KNDC1: variants seen among roughly 807,000 people sequenced by gnomAD.
KNDC1 encodes kinase non-catalytic C-lobe domain-containing protein 1.
In KNDC1, 106 loss-of-function variants were observed where a neutral mutation model predicts 172.8. That is an observed-to-expected ratio of 0.61 (90% CI 0.52 to 0.72). The LOEUF is 0.72. Among genes scored for constraint, KNDC1 ranks in the 30% least tolerant of loss-of-function variants. KNDC1 has a pLI of 0.00. For missense variants in KNDC1, 2,325 were observed against 2,394.5 expected (o/e 0.97, Z 0.61); for synonymous variants, 1,083 against 1,062.2 (o/e 1.02, Z -0.38).
chr10:133,189,841 A>AGCCCTGCCCCC lies in KNDC1; in HGVS notation c.1575+29_1575+39dup, dbSNP rs766681194. ...ACCCGGGCCCTCCCCACCCTGCCCC[A>AGCCCTGCCCCC]GCCCTGCCCCCAGCCCTCGGGGATG... On this transcript the variant is annotated intron_variant, in intron 9 of 29. Coordinates refer to ENST00000304613, the MANE Select transcript of KNDC1 (RefSeq NM_152643.8). The AGCCCTGCCCCC allele has an allele frequency of 1.2e-4, 161 of 1,379,952 alleles. 2 individuals carry two copies. The African/African-American group carries it at 1.8e-3, about 16-fold the overall frequency. 85.5% of individuals were successfully genotyped at this position (1,379,952 alleles called of 1,614,324 possible).
chr10:133,198,242 C>T, intron 12 of KNDC1, 95 bp from the exon 13 acceptor site: 9 of 1,383,604 alleles, frequency 6.5e-6, no homozygotes, highest in Non-Finnish European at 8.7e-6. Flanking sequence ...GCACCACGCA[C>T]TGGGTGGGAT....
At chr10:133,205,665 CTTTAAG>C (rs1351288616) in intron 17 of KNDC1, among the ~76,000 whole-genome samples, 6 of 152,232 alleles carry the variant, frequency 3.9e-5, no homozygotes, top group East Asian at 1.9e-4. Flanking sequence ...CATTGGGCTT[CTTTAAG>C]TTTAAAAGAA....
chr10:133,196,990 A>G lies in KNDC1; in HGVS notation c.1735-68A>G, dbSNP rs115493491. 3,030 of 1,280,910 alleles carry G rather than the reference A, an allele frequency of 2.4e-3. 37 individuals carry two copies. The African/African-American group carries it at 0.035, about 15-fold the overall frequency. The allele number at this position is 1,280,910 out of a possible 1,614,324, so 79.3% of individuals were successfully genotyped here. ...CCTGAGCTTTTTCAGATGGGGACCC[A>G]GTGACACGGGGACGGTGCAGCCGTG... On this transcript the variant is annotated intron_variant, in intron 10 of 29. Coordinates refer to ENST00000304613, the MANE Select transcript of KNDC1 (RefSeq NM_152643.8).
intron 17 of KNDC1, among the ~76,000 whole-genome samples, chr10:133,203,200 G>A (rs12761726): frequency 3.6e-5 from 2 of 56,290 alleles, no homozygotes; most frequent in African/African-American, 5.1e-5. Flanking sequence ...GGGAGCACTC[G>A]GCCCCCAAAC....
At chr10:133,184,140 C>T in intron 5 of KNDC1, 151 bp downstream of exon 5, 1 of 484,206 alleles carries the variant, frequency 2.1e-6, no homozygotes, top group Non-Finnish European at 3.7e-6. Context: ...ACACATGCCA[C>T]ACACACCCAT....
intron 16 of KNDC1, among the ~76,000 whole-genome samples, chr10:133,200,804 A>T (rs981310105): frequency 1.4e-4 from 21 of 152,264 alleles, no homozygotes; most frequent in African/African-American, 4.6e-4. Context: ...GCCAGGTGGG[A>T]TCCGCTCTCC....
chr10:133,171,174 G>T (rs1280645160), intron 3 of KNDC1, among the ~76,000 whole-genome samples: 2 of 152,204 alleles, frequency 1.3e-5, no homozygotes, highest in Non-Finnish European at 2.9e-5. Flanking sequence ...CTTTAACGTT[G>T]TAAAGTTTTG....
rs1485929176 is a variant in KNDC1 at position 133,160,437 on chromosome 10, C to A, written c.-31C>A. Reference sequence around the variant, plus strand: ...GAGCCCAGCCCAGCCCAGCCGGAGGCCCCGGGGGCGGTGCGCGGCGCGGCC... The same window carrying A: ...GAGCCCAGCCCAGCCCAGCCGGAGGACCCGGGGGCGGTGCGCGGCGCGGCC... On this transcript the variant is annotated 5_prime_UTR_variant, in exon 1 of 30. Transcript: ENST00000304613. 2.0e-5 allele frequency: 29 copies of A among 1,446,668 alleles called. No individual in the cohort carries two copies. The highest frequency in any genetic ancestry group is 2.9e-5 in the East Asian group (1 of 34,300). The allele number at this position is 1,446,668 out of a possible 1,614,324, so 89.6% of individuals were successfully genotyped here.
chr10:133,185,976 G>A lies in KNDC1; in HGVS notation c.628G>A (p.Val210Ile), dbSNP rs200004606. 28 of 1,592,662 alleles carry A rather than the reference G, an allele frequency of 1.8e-5. No homozygotes were observed. In the East Asian group the frequency reaches 6.1e-4, roughly 35 times the overall value. The change falls in exon 6 of 30, where the codon GTC (valine) becomes ATC (isoleucine). Residue 210 changes from valine to isoleucine, a missense_variant and splice_region_variant. By Grantham distance (29) the Val-to-Ile change is conservative (BLOSUM62 3). Coordinates refer to ENST00000304613, the MANE Select transcript of KNDC1 (RefSeq NM_152643.8). ...SIESFGALQD[V>I]SESSWRERPA... ...GACCACATCTTGCTTGTGCCCAGAT[G>A]TCAGCGAGAGCAGCTGGCGGGAGAG... is the stretch of plus-strand genomic sequence containing the variant.
intron 17 of KNDC1, chr10:133,202,495 C>T (rs1427973292): frequency 1.2e-5 from 5 of 408,530 alleles, no homozygotes; most frequent in South Asian, 3.6e-5. Context: ...TGACCCACAG[C>T]CCCGACCTGG....
Position 133,185,964 on chromosome 10 carries a change from T to C in KNDC1, c.626-10T>C. ...GCACCCAGCCGTGACCACATCTTGC[T>C]TGTGCCCAGATGTCAGCGAGAGCAG... On this transcript the variant is annotated splice_polypyrimidine_tract_variant and intron_variant, in intron 5 of 29. Transcript: ENST00000304613. 6.5e-7 allele frequency: 1 copy of C among 1,534,358 alleles called. No individual in the cohort carries two copies. The highest frequency in any genetic ancestry group is 1.2e-5 in the South Asian group (1 of 84,930).
At position 133,188,616 on chromosome 10, in the gene KNDC1, C is replaced by T. The variant is rs766784235; in HGVS notation, c.1404C>T (p.Ala468=). The change falls in exon 7 of 30, where the codon GCC becomes GCT. Residue 468 remains alanine, a synonymous_variant. Transcript: ENST00000304613. ...ACGAGCTGTGGGCCCTGTGCCTGGCCTGCCTCCGCGCACTGCAGACACGCC... is the reference window on the plus strand; with the variant it reads ...ACGAGCTGTGGGCCCTGTGCCTGGCTTGCCTCCGCGCACTGCAGACACGCC... The part of the protein sequence containing the change: ...REYELWALCL[A]CLRALQTRPE... The T allele has an allele frequency of 2.5e-6, 4 of 1,598,032 alleles. No homozygotes were observed. The highest frequency in any genetic ancestry group is 2.3e-5 in the East Asian group (1 of 44,382).
At chr10:133,206,105 C>T (rs1845186138) in intron 17 of KNDC1, among the ~76,000 whole-genome samples, 1 of 152,114 alleles carries the variant, frequency 6.6e-6, no homozygotes, top group Non-Finnish European at 1.5e-5. Context: ...GAGGCTGAGG[C>T]AGGAGAATCG....
intron 1 of KNDC1, among the ~76,000 whole-genome samples, chr10:133,165,731 C>T (rs1853130018): frequency 1.3e-5 from 2 of 152,154 alleles, no homozygotes; most frequent in South Asian, 4.1e-4. Flanking sequence ...TGCCCAGGTA[C>T]CTCTTTAACC....
chr10:133,219,157 G>A (rs374604958), intron 28 of KNDC1, 67 bp downstream of exon 28: 3 of 1,551,620 alleles, frequency 1.9e-6, no homozygotes, highest in East Asian at 4.6e-5. Flanking sequence ...GAACTGCTGT[G>A]CAGAGCCTGC....
Position 133,207,129 on chromosome 10 carries a change from T to G in KNDC1, c.3580-8T>G. 1 of 1,577,228 alleles carries G rather than the reference T, an allele frequency of 6.3e-7. No individual in the cohort carries two copies. The highest frequency in any genetic ancestry group is 8.6e-7 in the Non-Finnish European group (1 of 1,162,396). On this transcript the variant is annotated splice_region_variant and splice_polypyrimidine_tract_variant and intron_variant, in intron 19 of 29. Coordinates refer to ENST00000304613, the MANE Select transcript of KNDC1 (RefSeq NM_152643.8). ...GAGTGACCAAGCGCCCGTGTCCCGCTCCGGCAGGTCATGTACGCGGAACGC... is the reference window on the plus strand; with the variant it reads ...GAGTGACCAAGCGCCCGTGTCCCGCGCCGGCAGGTCATGTACGCGGAACGC...
chr10:133,216,785 T>A (rs1220298678), intron 26 of KNDC1, among the ~76,000 whole-genome samples: 1 of 152,246 alleles, frequency 6.6e-6, no homozygotes, highest in Non-Finnish European at 1.5e-5. Flanking sequence ...CACCTAAATG[T>A]CCACGGAGAG....
At chr10:133,202,299 G>A (rs566257935) in intron 17 of KNDC1, 9 of 487,958 alleles carry the variant, frequency 1.8e-5, no homozygotes, top group Non-Finnish European at 3.2e-5. Flanking sequence ...CACCAAAAAC[G>A]CCTGCCCAGC....
chr10:133,184,417 CA>C (rs1853830888), intron 5 of KNDC1, among the ~76,000 whole-genome samples: 3 of 43,378 alleles, frequency 6.9e-5, no homozygotes, highest in Admixed American at 2.0e-4. Flanking sequence ...CACACCCACT[CA>C]CACATTCAGA....
Sources: gnomAD v4.1 joint callset for allele counts (sites outside exome capture counted in the v4.1 genomes callset) on GRCh38, gnomAD v4.1.1 for gene constraint, MANE v1.5 for transcripts, NCBI Gene and HGNC (gene_info 2026-07-23, HGNC 2026-07-21) for gene names.